Variants in PCDH9 observed in about 807,000 individuals in gnomAD.
PCDH9 encodes protocadherin-9.
PCDH9 carries 24 observed loss-of-function variants against 70.6 expected under a neutral mutation model. That is an observed-to-expected ratio of 0.34 (90% CI 0.25 to 0.48). The LOEUF is 0.48. Ranked by LOEUF, PCDH9 falls within the 20% of genes least tolerant of loss-of-function variation. The probability of loss-of-function intolerance (pLI) is 0.99; values close to 1 mark genes in which losing one functional copy is unlikely to be tolerated. For missense variants in PCDH9, 1,281 were observed against 1,503.6 expected (o/e 0.85, Z 2.45); for synonymous variants, 562 against 558.5 (o/e 1.01, Z -0.09).
intron 4 of PCDH9, among the ~76,000 whole-genome samples, chr13:66,370,510 T>A (rs1052184610): frequency 1.3e-5 from 2 of 149,964 alleles, no homozygotes; most frequent in Non-Finnish European, 2.9e-5. Flanking sequence ...TATTTATGTA[T>A]TCATTTTTTT....
intron 3 of PCDH9, among the ~76,000 whole-genome samples, chr13:66,754,518 T>A (rs1045670217): frequency 1.3e-5 from 2 of 152,004 alleles, no homozygotes; most frequent in African/African-American, 4.8e-5. Flanking sequence ...AATTGTATAG[T>A]CCAGAGCTTT....
rs1314321550 is a variant in PCDH9 at position 66,403,320 on chromosome 13, T to A, written c.3341-98292A>T. 5.3e-5 allele frequency among the ~76,000 whole-genome samples: 8 copies of A among 151,548 alleles called. No homozygotes were observed. The East Asian group carries it at 1.5e-3, about 29-fold the overall frequency. On this transcript the variant is annotated intron_variant, in intron 4 of 4. Coordinates refer to ENST00000377865, the MANE Select transcript of PCDH9 (RefSeq NM_203487.3). ...CTGGCTTTTTTTTTTGTTTTTTGTA[T>A]TTTTTTTGTAGAGATTGTGTTTCAC...
intron 3 of PCDH9, among the ~76,000 whole-genome samples, chr13:66,827,100 G>C (rs542999058): frequency 1.3e-5 from 2 of 152,220 alleles, no homozygotes; most frequent in Non-Finnish European, 2.9e-5. Flanking sequence ...AGAGTGGTAG[G>C]AGACATGAAG....
chr13:66,955,401 G>A (rs2083251738), intron 2 of PCDH9, among the ~76,000 whole-genome samples: 1 of 152,122 alleles, frequency 6.6e-6, no homozygotes, highest in East Asian at 1.9e-4. Context: ...TGATCCTTTG[G>A]AGCCAGGAAG....
intron 4 of PCDH9, among the ~76,000 whole-genome samples, chr13:66,447,823 A>G (rs573066441): frequency 6.6e-6 from 1 of 152,332 alleles, no homozygotes; most frequent in East Asian, 1.9e-4. Flanking sequence ...AAACATAATT[A>G]GATTATTATC....
chr13:66,469,527 C>T (rs1958577261), intron 4 of PCDH9, among the ~76,000 whole-genome samples: 1 of 151,866 alleles, frequency 6.6e-6, no homozygotes, highest in African/African-American at 2.4e-5. Context: ...GGAATAACTT[C>T]AAATTGTAAC....
At chr13:66,505,388 C>A in intron 4 of PCDH9, among the ~76,000 whole-genome samples, 1 of 151,966 alleles carries the variant, frequency 6.6e-6, no homozygotes, top group East Asian at 1.9e-4. Flanking sequence ...GGGAAATGAA[C>A]TCATGAGACT....
chr13:66,765,412 A>C (rs892632336), intron 3 of PCDH9, among the ~76,000 whole-genome samples: 1 of 152,020 alleles, frequency 6.6e-6, no homozygotes, highest in Admixed American at 6.6e-5. Flanking sequence ...GAGTATTCTT[A>C]ATGTGTGAGA....
chr13:67,174,885 A>G (rs2088405108), intron 2 of PCDH9, among the ~76,000 whole-genome samples: 1 of 150,080 alleles, frequency 6.7e-6, no homozygotes, highest in Admixed American at 6.7e-5. Context: ...AAATCTCACC[A>G]TTTTGGGAGG....
intron 3 of PCDH9, among the ~76,000 whole-genome samples, chr13:66,831,231 A>G (rs1347198298): frequency 6.6e-6 from 1 of 152,158 alleles, no homozygotes; most frequent in Non-Finnish European, 1.5e-5. Flanking sequence ...TATTATTTCT[A>G]TTGGCTTGTG....
intron 3 of PCDH9, among the ~76,000 whole-genome samples, chr13:66,845,475 G>C (rs1172590764): frequency 6.6e-6 from 1 of 152,222 alleles, no homozygotes; most frequent in Non-Finnish European, 1.5e-5. Flanking sequence ...GGGCAGGGAG[G>C]CTTCCTGGGT....
intron 3 of PCDH9, among the ~76,000 whole-genome samples, chr13:66,866,501 C>A (rs542728154): frequency 4.4e-4 from 62 of 141,450 alleles, no homozygotes; most frequent in African/African-American, 1.6e-3. Context: ...AACAAAAAAA[C>A]AAAAACTTGC....
At chr13:67,104,779 G>C (rs1343472168) in intron 2 of PCDH9, among the ~76,000 whole-genome samples, 1 of 152,132 alleles carries the variant, frequency 6.6e-6, no homozygotes, top group African/African-American at 2.4e-5. Flanking sequence ...TCAGTCTCCT[G>C]ACCTTGTGAT....
intron 4 of PCDH9, among the ~76,000 whole-genome samples, chr13:66,549,559 T>C (rs1020586370): frequency 3.9e-5 from 6 of 152,124 alleles, no homozygotes; most frequent in Non-Finnish European, 8.8e-5. Context: ...TTTTTTGGAC[T>C]GGGTCCAGGG....
At chr13:66,995,262 C>T (rs1189934410) in intron 2 of PCDH9, among the ~76,000 whole-genome samples, 1 of 152,116 alleles carries the variant, frequency 6.6e-6, no homozygotes, top group African/African-American at 2.4e-5. Flanking sequence ...TTCTCAAGGG[C>T]ATCGGAAAGG....
intron 2 of PCDH9, among the ~76,000 whole-genome samples, chr13:67,073,511 G>C (rs183778931): frequency 6.6e-6 from 1 of 151,820 alleles, no homozygotes; most frequent in Non-Finnish European, 1.5e-5. Flanking sequence ...AAAAAAAAAT[G>C]TGTGAATCAT....
chr13:67,057,779 A>T (rs2085452050), intron 2 of PCDH9, among the ~76,000 whole-genome samples: 1 of 152,150 alleles, frequency 6.6e-6, no homozygotes, highest in African/African-American at 2.4e-5. Context: ...TGCTCTGATA[A>T]TAAATACTAT....
At chr13:66,910,585 A>C (rs2082445494) in intron 2 of PCDH9, among the ~76,000 whole-genome samples, 2 of 152,344 alleles carry the variant, frequency 1.3e-5, no homozygotes, top group Middle Eastern at 6.8e-3. Context: ...AAGGATCTTA[A>C]AGTCCGAAGT....
At chr13:66,649,127 G>C (rs1332636725) in intron 3 of PCDH9, among the ~76,000 whole-genome samples, 1 of 152,056 alleles carries the variant, frequency 6.6e-6, no homozygotes, top group Non-Finnish European at 1.5e-5. Flanking sequence ...TGGGGTTTGG[G>C]GGAGAAGGTT....
Sources: gnomAD v4.1 joint callset for allele counts (sites outside exome capture counted in the v4.1 genomes callset) on GRCh38, gnomAD v4.1.1 for gene constraint, MANE v1.5 for transcripts, NCBI Gene and HGNC (gene_info 2026-07-23, HGNC 2026-07-21) for gene names.